Variants in CD109 observed in about 807,000 individuals in gnomAD.
CD109 encodes CD109 molecule.
Under a neutral mutation model 165.8 loss-of-function variants are expected in CD109, and 149 were observed. That is an observed-to-expected ratio of 0.90 (90% CI 0.79 to 1.03). The LOEUF (loss-of-function observed/expected upper bound fraction) is 1.03, where lower values mean the gene tolerates loss of function less well. CD109 is among the 50% of genes least tolerant of loss of function. The probability of loss-of-function intolerance (pLI) is 0.00; values close to 1 mark genes in which losing one functional copy is unlikely to be tolerated. For missense variants in CD109, 1,712 were observed against 1,677.8 expected (o/e 1.02, Z -0.36); for synonymous variants, 585 against 592.1 (o/e 0.99, Z 0.18).
At chr6:73,703,117 G>A (rs1419443223) in intron 2 of CD109, among the ~76,000 whole-genome samples, 1 of 152,244 alleles carries the variant, frequency 6.6e-6, no homozygotes, top group East Asian at 1.9e-4. Context: ...GTTTTTCTGA[G>A]TTAACCCAGT....
intron 4 of CD109, among the ~76,000 whole-genome samples, chr6:73,734,783 C>G (rs1376173190): frequency 6.6e-6 from 1 of 152,204 alleles, no homozygotes; most frequent in Non-Finnish European, 1.5e-5. Flanking sequence ...CTCACTACTT[C>G]TAGGCAAAGT....
chr6:73,681,697 G>T, the CD109 span, among the ~76,000 whole-genome samples: 2 of 151,904 alleles, frequency 1.3e-5, no homozygotes, highest in Admixed American at 1.3e-4. Context: ...CCGCCTTCTG[G>T]GTTCAAGTGA....
At chr6:73,756,604 A>G (rs758833392) in intron 5 of CD109, 39 bp from the exon 6 acceptor site, 10 of 1,401,854 alleles carry the variant, frequency 7.1e-6, no homozygotes, top group Non-Finnish European at 9.7e-6. Flanking sequence ...ATAAGAACTC[A>G]TATACTTTCC....
chr6:73,707,969 TATATATATATATATATATATA>T, intron 2 of CD109, among the ~76,000 whole-genome samples: 1 of 2,428 alleles, frequency 4.1e-4, no homozygotes, highest in East Asian at 0.012. Context: ...TCTTTATATA[TATATATATATATATATATATA>T]TATATATATA....
At chr6:73,721,906 T>C (rs957942164) in intron 2 of CD109, among the ~76,000 whole-genome samples, 1 of 152,106 alleles carries the variant, frequency 6.6e-6, no homozygotes, top group Non-Finnish European at 1.5e-5. Flanking sequence ...GGCTAATTTT[T>C]GTAGTTTTTA....
At chr6:73,732,574 G>C (rs1214824041) in intron 4 of CD109, among the ~76,000 whole-genome samples, 1 of 152,234 alleles carries the variant, frequency 6.6e-6, no homozygotes, top group African/African-American at 2.4e-5. Flanking sequence ...CTGTATGTCA[G>C]AAAGGATGTG....
chr6:73,685,001 C>T, the CD109 span, among the ~76,000 whole-genome samples: 12 of 151,296 alleles, frequency 7.9e-5, no homozygotes, highest in Admixed American at 5.9e-4. Flanking sequence ...ACTGCAACCT[C>T]CACCTCCCAG....
chr6:73,783,856 A>G (rs1490197525), intron 19 of CD109, 32 bp downstream of exon 19: 1 of 1,239,912 alleles, frequency 8.1e-7, no homozygotes, highest in East Asian at 2.3e-5. Context: ...TATCAGTATT[A>G]CGGTGACATT....
chr6:73,817,238 G>A (rs1775970115), intron 30 of CD109, among the ~76,000 whole-genome samples: 1 of 152,194 alleles, frequency 6.6e-6, no homozygotes, highest in South Asian at 2.1e-4. Context: ...TTGGTAGAGA[G>A]ATCAGATCAA....
At chr6:73,736,755 T>G (rs891182537) in intron 5 of CD109, among the ~76,000 whole-genome samples, 1 of 152,232 alleles carries the variant, frequency 6.6e-6, no homozygotes, top group Admixed American at 6.5e-5. Context: ...TAAAACATTT[T>G]GACATTTTAG....
At chr6:73,798,820 A>G (rs41309296) in intron 23 of CD109, among the ~76,000 whole-genome samples, 3,754 of 152,272 alleles carry the variant, frequency 0.025, 70 homozygotes, top group East Asian at 0.043. Flanking sequence ...CAGTTTCACA[A>G]TATCTCATAC....
At chr6:73,811,358 G>A (rs964486728) in intron 28 of CD109, among the ~76,000 whole-genome samples, 4 of 152,096 alleles carry the variant, frequency 2.6e-5, no homozygotes, top group Admixed American at 6.6e-5. Context: ...GAGAAAACAC[G>A]GGCACTGTAA....
chr6:73,692,120 A>T (rs1770701558), upstream of CD109, among the ~76,000 whole-genome samples: 1 of 152,094 alleles, frequency 6.6e-6, no homozygotes, highest in South Asian at 2.1e-4. Flanking sequence ...CCACGGGGGA[A>T]ATCTGCCCCC....
At chr6:73,801,232 G>C (rs1775350407) in intron 23 of CD109, among the ~76,000 whole-genome samples, 2 of 152,294 alleles carry the variant, frequency 1.3e-5, no homozygotes, top group South Asian at 4.1e-4. Context: ...CCATGCACAT[G>C]GTATCTGTAT....
intron 15 of CD109, among the ~76,000 whole-genome samples, chr6:73,780,080 A>C (rs1214728692): frequency 6.6e-6 from 1 of 151,776 alleles, no homozygotes; most frequent in Admixed American, 6.6e-5. Flanking sequence ...AATCTCCAAC[A>C]AAGTTAACCT....
chr6:73,736,562 G>A (rs1055268630), intron 5 of CD109, 54 bp downstream of exon 5: 12 of 1,499,618 alleles, frequency 8.0e-6, no homozygotes, highest in African/African-American at 2.8e-5. Flanking sequence ...AATTAGGTCA[G>A]GTGGGGGAAA....
chr6:73,731,081 T>C (rs1326973832), intron 4 of CD109, among the ~76,000 whole-genome samples: 2 of 152,046 alleles, frequency 1.3e-5, no homozygotes, highest in East Asian at 1.9e-4. Flanking sequence ...AGTTTCACTC[T>C]TGTTGCCCAG....
At chr6:73,788,175 T>G (rs1424587516) in intron 21 of CD109, among the ~76,000 whole-genome samples, 7 of 152,136 alleles carry the variant, frequency 4.6e-5, no homozygotes, top group African/African-American at 1.7e-4. Context: ...ACGTTTCAGT[T>G]AATGAAGGGT....
Position 73,827,430 on chromosome 6 carries a change from G to A in CD109, c.*3797G>A, listed in dbSNP as rs1776311963. On this transcript the variant is annotated 3_prime_UTR_variant, in exon 33 of 33. Coordinates refer to ENST00000287097, the MANE Select transcript of CD109 (RefSeq NM_133493.5). ...TGTCTTCAAATTCCAGTAAGGCATA[G>A]CACTTTTAAGAAATTAGAATTTTTC... 6.6e-6 allele frequency: 1 copy of A among 151,928 alleles called. No individual in the cohort carries two copies. Among genetic ancestry groups the A allele is most frequent in the South Asian group, 2.1e-4 (1 of 4,802 alleles). The allele number at this position is 151,928 out of a possible 1,614,324, so 9.4% of individuals were successfully genotyped here. A position where few individuals can be genotyped will look rare whatever the true frequency, so the allele number is the denominator to read the frequency against.
Sources: gnomAD v4.1 joint callset for allele counts (sites outside exome capture counted in the v4.1 genomes callset) on GRCh38, gnomAD v4.1.1 for gene constraint, MANE v1.5 for transcripts, NCBI Gene and HGNC (gene_info 2026-07-23, HGNC 2026-07-21) for gene names.